The following FAM151A variants were observed in gnomAD, a reference collection of about 807,000 sequenced individuals.
FAM151A encodes the protein family with sequence similarity 151 member A.
A neutral mutation model predicts 40.4 loss-of-function variants in FAM151A; 41 were observed. The ratio of observed to expected loss-of-function variants is 1.01; its 90% CI spans 0.79 to 1.32. The LOEUF is 1.32. FAM151A is among the 40% of genes most tolerant of loss of function. The pLI is 0.00. For synonymous variants in FAM151A, 337 were observed against 312.5 expected, an observed-to-expected ratio of 1.08 and a Z score of -0.83; for missense variants, 740 against 740.4, an observed-to-expected ratio of 1.00 and a Z score of 0.01.
chr1:54,614,970 T>A, intron 3 of FAM151A, 111 bp from the exon 4 acceptor site: 1 of 697,038 alleles, frequency 1.4e-6, no homozygotes, highest in Non-Finnish European at 2.2e-6. Context: ...GCGTGCACAG[T>A]GGAGTCAGGG....
At chr1:54,620,148 T>C in intron 1 of FAM151A, 141 bp from the exon 2 acceptor site, 2 of 874,088 alleles carry the variant, frequency 2.3e-6, no homozygotes, top group Non-Finnish European at 3.4e-6. Context: ...TCAGACTCAC[T>C]GGTGCTACAA....
chr1:54,620,897 C>A (rs1644223694), intron 1 of FAM151A, among the ~76,000 whole-genome samples: 1 of 116,248 alleles, frequency 8.6e-6, no homozygotes, highest in African/African-American at 3.3e-5. Flanking sequence ...TGGTGGCTCA[C>A]ACCTGTAATC....
Position 54,609,181 on chromosome 1 carries a change from T to G in FAM151A, c.*87A>C, listed in dbSNP as rs1241428118. 2 of 1,604,594 alleles carry G rather than the reference T, an allele frequency of 1.2e-6. No individual in the cohort carries two copies. The highest frequency in any genetic ancestry group is 3.4e-5 in the Admixed American group (2 of 59,126). On this transcript the variant is annotated 3_prime_UTR_variant, in exon 8 of 8. Transcript: ENST00000302250. ...TCCCCAAGGACTCACATACAGTGCC[T>G]GGAGAAAGCCAAAGACCTTTATTTC... is the stretch of plus-strand genomic sequence containing the variant.
chr1:54,618,028 G>A (rs1025964786), intron 2 of FAM151A, among the ~76,000 whole-genome samples: 4 of 151,416 alleles, frequency 2.6e-5, no homozygotes, highest in Non-Finnish European at 2.9e-5. Flanking sequence ...GGCCTGGCCC[G>A]AGATTCTGCA....
intron 4 of FAM151A, among the ~76,000 whole-genome samples, chr1:54,613,485 G>A (rs929515955): frequency 6.7e-6 from 1 of 150,006 alleles, no homozygotes; most frequent in Non-Finnish European, 1.5e-5. Flanking sequence ...ACGTGGTCTC[G>A]CTGTGTTGCC....
Position 54,616,092 on chromosome 1 carries a change from G to T in FAM151A, c.343C>A (p.His115Asn). 1 of 1,614,166 alleles carries T rather than the reference G, an allele frequency of 6.2e-7. No homozygotes were observed. The highest frequency in any genetic ancestry group is 8.5e-7 in the Non-Finnish European group (1 of 1,180,024). ...ANETGVPIMA[H>N]PPTIYSDNTL... Reference sequence around the variant, plus strand: ...TTGTCACTGTAGATAGTGGGGGGGTGTGCCATGATGGGAACTCCTGTCTCA... The same window carrying T: ...TTGTCACTGTAGATAGTGGGGGGGTTTGCCATGATGGGAACTCCTGTCTCA... Residue 115 changes from histidine to asparagine, a missense_variant, in exon 3 of 8, where the codon CAC becomes AAC. Physicochemically the swap from His to Asn is moderately conservative, Grantham distance 68. Transcript: ENST00000302250.
At position 54,619,994 on chromosome 1, in the gene FAM151A, C is replaced by T; in HGVS notation, c.132G>A (p.Glu44=). 6.2e-7 allele frequency: 1 copy of T among 1,613,154 alleles called. No homozygotes were observed. The highest frequency in any genetic ancestry group is 1.1e-5 in the South Asian group (1 of 91,046). ...ITLRRPGCEL[E]ACSPDADMLD... ...GCATGTCGGCATCAGGGCTGCAGGC[C>T]TCCAGCTCACAGCCTGGAAGGAATC... Residue 44 remains glutamate, a synonymous_variant, in exon 2 of 8, where the codon GAG becomes GAA. Transcript: ENST00000302250.
Position 54,612,480 on chromosome 1 carries a change from T to G in FAM151A, c.800+6A>C, listed in dbSNP as rs779282910. On this transcript the variant is annotated splice_donor_region_variant and intron_variant, in intron 5 of 7. Transcript: ENST00000302250. ...GGAGGGTGGGGGTGGGTTTGGTGGT[T>G]TTCACCTCTCAGATTGGCTCAGCAG... 6.2e-7 allele frequency: 1 copy of G among 1,611,726 alleles called. No homozygotes were observed. Among genetic ancestry groups the G allele is most frequent in the South Asian group, 1.1e-5 (1 of 90,984 alleles).
At chr1:54,620,234 G>T (rs1345994186) in intron 1 of FAM151A, among the ~76,000 whole-genome samples, 1 of 152,212 alleles carries the variant, frequency 6.6e-6, no homozygotes, top group Non-Finnish European at 1.5e-5. Flanking sequence ...AAGGGGGCAG[G>T]TTCACAGAGA....
At chr1:54,611,892 C>G in intron 5 of FAM151A, 147 bp from the exon 6 acceptor site, 1 of 880,682 alleles carries the variant, frequency 1.1e-6, no homozygotes, top group Non-Finnish European at 1.7e-6. Context: ...CTGAGTCCTA[C>G]CCCTTCCCAA....
chr1:54,612,310 T>A (rs1644127276), intron 5 of FAM151A, among the ~76,000 whole-genome samples, 176 bp downstream of exon 5: 1 of 151,652 alleles, frequency 6.6e-6, no homozygotes, highest in Non-Finnish European at 1.5e-5. Flanking sequence ...TGGGAGGTAG[T>A]GAGTAGCCCG....
chr1:54,621,950 G>C (rs1302350883), intron 1 of FAM151A: 1 of 152,494 alleles, frequency 6.6e-6, no homozygotes, highest in Non-Finnish European at 1.5e-5. Context: ...GCCAAGATCT[G>C]ATGGTCTTCA....
chr1:54,623,068 C>T lies in FAM151A; in HGVS notation c.118+210G>A, dbSNP rs184101890. On this transcript the variant is annotated intron_variant, in intron 1 of 7. Coordinates refer to ENST00000302250, the MANE Select transcript of FAM151A (RefSeq NM_176782.3). ...GCGGGTGCCTGTAATCCCAGCTACT[C>T]GGGAGGCTGAGGCAGGAGAATCGCT... 1.5e-3 allele frequency among the ~76,000 whole-genome samples: 231 copies of T among 151,290 alleles called. 1 individual carries two copies. The highest frequency in any genetic ancestry group is 2.0e-3 in the Non-Finnish European group (138 of 67,834).
intron 7 of FAM151A, 103 bp downstream of exon 7, chr1:54,610,309 A>T: frequency 6.5e-7 from 1 of 1,541,446 alleles, no homozygotes; most frequent in South Asian, 1.3e-5. Context: ...TGGTGTAAAT[A>T]AACCTGTGTT....
Position 54,614,859 on chromosome 1 carries a change from C to T in FAM151A, c.416G>A (p.Gly139Asp), listed in dbSNP as rs1031180494. ...GATGTTCTTGAAGTCCAGTTTGATG[C>T]CTGTGGGGAAAGGAACAAGGGCTTG... ...LDAVLGSSQK[G>D]IKLDFKNIKA... is the part of the protein sequence containing the mutation. The change falls in exon 4 of 8, where the codon GGC becomes GAC. Residue 139 changes from glycine to aspartate, a missense_variant and splice_region_variant. Transcript: ENST00000302250. The T allele has an allele frequency of 6.2e-7, 1 of 1,612,870 alleles. No homozygotes were observed.
chr1:54,620,268 G>T (rs1260926742), intron 1 of FAM151A, among the ~76,000 whole-genome samples: 1 of 152,232 alleles, frequency 6.6e-6, no homozygotes, highest in Non-Finnish European at 1.5e-5. Flanking sequence ...GGAAGACCTT[G>T]AAGGATGGGT....
intron 2 of FAM151A, among the ~76,000 whole-genome samples, chr1:54,619,218 C>T (rs1370057953): frequency 1.3e-5 from 2 of 152,204 alleles, no homozygotes; most frequent in East Asian, 3.9e-4. Context: ...TTTATAGCTA[C>T]TGCTTTAAAG....
chr1:54,619,203 C>T (rs1386314758), intron 2 of FAM151A, among the ~76,000 whole-genome samples: 1 of 151,940 alleles, frequency 6.6e-6, no homozygotes, highest in Non-Finnish European at 1.5e-5. Flanking sequence ...CTGTTCCCTT[C>T]ATCTTTTATA....
At position 54,612,481 on chromosome 1, in the gene FAM151A, T is replaced by G. The variant is rs746602480; in HGVS notation, c.800+5A>C. The G allele has an allele frequency of 5.6e-6, 9 of 1,612,026 alleles. No individual in the cohort carries two copies. In the Admixed American group the frequency reaches 1.5e-4, roughly 27 times the overall value. ...GAGGGTGGGGGTGGGTTTGGTGGTT[T>G]TCACCTCTCAGATTGGCTCAGCAGC... On this transcript the variant is annotated splice_donor_5th_base_variant and intron_variant, in intron 5 of 7. Transcript: ENST00000302250.
Sources: allele counts gnomAD v4.1 joint callset (sites outside exome capture counted in the v4.1 genomes callset), GRCh38; gene constraint gnomAD v4.1.1; transcripts MANE v1.5; gene names NCBI Gene and HGNC (gene_info 2026-07-23, HGNC 2026-07-21).